The following CEP135 variants were observed in gnomAD, a reference collection of about 807,000 sequenced individuals.
CEP135 encodes the protein centrosomal protein of 135 kDa.
CEP135 carries 142 observed loss-of-function variants against 157.3 expected under a neutral mutation model. That is an observed-to-expected ratio of 0.90 (90% CI 0.79 to 1.04). CEP135 has a LOEUF of 1.04. Ranked by LOEUF, CEP135 falls within the 50% of genes least tolerant of loss-of-function variation. The pLI is 0.00. For synonymous variants in CEP135, 396 were observed against 439.8 expected (o/e 0.90, Z 1.25); for missense variants, 1,317 against 1,309.2 (o/e 1.01, Z -0.09).
rs190972761 is a variant in CEP135 at position 55,982,326 on chromosome 4, A to G, written c.1779+947A>G. Among the ~76,000 whole-genome samples, 14 of 152,268 alleles carry G rather than the reference A, an allele frequency of 9.2e-5. No homozygotes were observed. In the East Asian group the frequency reaches 2.1e-3, roughly 23 times the overall value. ...ATATATATTTTCATTTCTCTTGGGTATATTCCTGGTCATATGGTAAGTCTG... is the reference window on the plus strand; with the variant it reads ...ATATATATTTTCATTTCTCTTGGGTGTATTCCTGGTCATATGGTAAGTCTG... On this transcript the variant is annotated intron_variant, in intron 13 of 25. Transcript: ENST00000257287.
At chr4:56,030,241 T>A (rs1731295983) in intron 25 of CEP135, among the ~76,000 whole-genome samples, 1 of 152,178 alleles carries the variant, frequency 6.6e-6, no homozygotes, top group Non-Finnish European at 1.5e-5. Flanking sequence ...AGGACCTGCC[T>A]GAGGCTGCTT....
chr4:55,978,820 G>A (rs899894462), intron 11 of CEP135, among the ~76,000 whole-genome samples: 4 of 152,176 alleles, frequency 2.6e-5, no homozygotes. Flanking sequence ...AGAGTGCTAG[G>A]ATTACAAACA....
intron 11 of CEP135, among the ~76,000 whole-genome samples, chr4:55,978,936 G>A (rs2109681027): frequency 6.6e-6 from 1 of 152,284 alleles, no homozygotes; most frequent in East Asian, 1.9e-4. Flanking sequence ...ATCTGCTTTT[G>A]TACTATAAAA....
chr4:55,973,988 C>T (rs1027344863), intron 10 of CEP135, among the ~76,000 whole-genome samples: 2 of 152,324 alleles, frequency 1.3e-5, no homozygotes, highest in Admixed American at 1.3e-4. Context: ...CTTCTTGGGA[C>T]AAATTTGCCA....
Position 56,008,386 on chromosome 4 carries a change from A to G in CEP135, c.2336+4A>G. 6.2e-7 allele frequency: 1 copy of G among 1,604,994 alleles called. No homozygotes were observed. The highest frequency in any genetic ancestry group is 8.5e-7 in the Non-Finnish European group (1 of 1,174,862). On this transcript the variant is annotated splice_donor_region_variant and intron_variant, in intron 18 of 25. Transcript: ENST00000257287. ...CAGAGTGTGAATCATCTGTGAAGTA[A>G]GTCATTAATGAAATTACATCCAGCT...
intron 24 of CEP135, among the ~76,000 whole-genome samples, chr4:56,021,508 C>A (rs1177683966): frequency 6.6e-6 from 1 of 152,110 alleles, no homozygotes; most frequent in Admixed American, 6.6e-5. Flanking sequence ...TGCTTTAAAT[C>A]GAAGTCTAAC....
At chr4:55,960,233 C>G (rs1316182111) in intron 6 of CEP135, 2 of 162,526 alleles carry the variant, frequency 1.2e-5, no homozygotes, top group Non-Finnish European at 2.7e-5. Context: ...TTTTTCTACT[C>G]TTATTATATA....
At position 55,991,925 on chromosome 4, in the gene CEP135, A is replaced by T. The variant is rs1162507631; in HGVS notation, c.1858-9A>T. 1.5e-6 allele frequency: 2 copies of T among 1,372,650 alleles called. No homozygotes were observed. The highest frequency in any genetic ancestry group is 2.4e-5 in the Admixed American group (1 of 42,324). The allele number at this position is 1,372,650 out of a possible 1,614,324, so 85.0% of individuals were successfully genotyped here. A position where few individuals can be genotyped will look rare whatever the true frequency, so the allele number is the denominator to read the frequency against. On this transcript the variant is annotated splice_polypyrimidine_tract_variant and intron_variant, in intron 14 of 25. Coordinates refer to ENST00000257287, the MANE Select transcript of CEP135 (RefSeq NM_025009.5). Reference sequence around the variant, plus strand: ...ATATATACCTACTGTTTTTTTATTTAAATTATAGCTTGAAAGCGAAAAATA... The same window carrying T: ...ATATATACCTACTGTTTTTTTATTTTAATTATAGCTTGAAAGCGAAAAATA...
intron 24 of CEP135, among the ~76,000 whole-genome samples, chr4:56,023,748 CATATATAGTATATT>C (rs1459614150): frequency 3.9e-4 from 53 of 137,438 alleles, no homozygotes; most frequent in African/African-American, 8.8e-4. Flanking sequence ...TATAGTATAT[CATATATAGTATATT>C]ATATATAGTA....
At chr4:55,991,732 A>G (rs927138067) in intron 14 of CEP135, among the ~76,000 whole-genome samples, 14 of 151,986 alleles carry the variant, frequency 9.2e-5, no homozygotes, top group African/African-American at 2.7e-4. Flanking sequence ...TTTTGTTTGT[A>G]TCTTTAATGG....
intron 6 of CEP135, among the ~76,000 whole-genome samples, chr4:55,963,418 G>A (rs1728744502): frequency 6.6e-6 from 1 of 152,014 alleles, no homozygotes; most frequent in Non-Finnish European, 1.5e-5. Flanking sequence ...TTGCTTTTTG[G>A]TATGTTTGGA....
At chr4:55,975,000 A>G in intron 11 of CEP135, 31 bp downstream of exon 11, 1 of 1,448,216 alleles carries the variant, frequency 6.9e-7, no homozygotes, top group Non-Finnish European at 9.4e-7. Context: ...TAGGCCAGAA[A>G]GTATCTTTAT....
Position 55,991,986 on chromosome 4 carries a change from C to T in CEP135, c.1910C>T (p.Thr637Ile). 1.3e-6 allele frequency: 2 copies of T among 1,578,384 alleles called. No homozygotes were observed. The highest frequency in any genetic ancestry group is 2.3e-5 in the South Asian group (2 of 87,474). ...TCTAAAGTGTTAATAATGAAAGAAA[C>T]AATAGAGTCGTTAGAGAACAAATTA... is the stretch of plus-strand genomic sequence containing the variant. ...LKSKVLIMKE[T>I]IESLENKLKV... The change falls in exon 15 of 26, where the codon ACA becomes ATA. Residue 637 changes from threonine (T) to isoleucine (I), a missense_variant. By Grantham distance (89) the Thr-to-Ile change is moderately conservative. Transcript: ENST00000257287.
intron 24 of CEP135, among the ~76,000 whole-genome samples, chr4:56,023,221 C>CA (rs566037398): frequency 0.14 from 19,450 of 138,876 alleles, 1,587 homozygotes; most frequent in Admixed American, 0.3. Context: ...GTCCCTGTCA[C>CA]AAAAAAAAAA....
intron 13 of CEP135, among the ~76,000 whole-genome samples, chr4:55,983,523 A>T (rs965997032): frequency 6.6e-6 from 1 of 152,154 alleles, no homozygotes; most frequent in Non-Finnish European, 1.5e-5. Flanking sequence ...TATCAGTGCT[A>T]TCTCTTGAAA....
intron 21 of CEP135, among the ~76,000 whole-genome samples, chr4:56,015,146 GAGATT>G (rs1730729879): frequency 6.6e-6 from 1 of 152,158 alleles, no homozygotes; most frequent in Admixed American, 6.5e-5. Context: ...TCTTGGTGAA[GAGATT>G]AGATATGTGA....
intron 13 of CEP135, among the ~76,000 whole-genome samples, chr4:55,981,605 C>T (rs1225277482): frequency 2.0e-5 from 3 of 152,092 alleles, no homozygotes; most frequent in African/African-American, 7.2e-5. Flanking sequence ...TGTAGTATGA[C>T]CTACAAAACC....
chr4:55,997,937 T>C (rs533033439), intron 15 of CEP135, among the ~76,000 whole-genome samples: 1 of 152,338 alleles, frequency 6.6e-6, no homozygotes, highest in South Asian at 2.1e-4. Context: ...CTTTCTAACT[T>C]GGTTTTGTTT....
At position 56,031,915 on chromosome 4, in the gene CEP135, ATAAC is replaced by A. The variant is rs1299008211; in HGVS notation, c.*570_*573del. The A allele has an allele frequency of 6.6e-6, 1 of 152,206 alleles. No individual in the cohort carries two copies. The highest frequency in any genetic ancestry group is 1.5e-5 in the Non-Finnish European group (1 of 68,044). The allele number at this position is 152,206 out of a possible 1,614,324, so 9.4% of individuals were successfully genotyped here. On this transcript the variant is annotated 3_prime_UTR_variant, in exon 26 of 26. Coordinates refer to ENST00000257287, the MANE Select transcript of CEP135 (RefSeq NM_025009.5). The stretch of plus-strand genomic sequence containing the variant: ...TTATAATAGCAGAGGTCTTGGTAAA[ATAAC>A]TACCATATATAACGTGTTATTGCCA...
Sources: gnomAD v4.1 joint callset for allele counts (sites outside exome capture counted in the v4.1 genomes callset) on GRCh38, gnomAD v4.1.1 for gene constraint, MANE v1.5 for transcripts, NCBI Gene and HGNC (gene_info 2026-07-23, HGNC 2026-07-21) for gene names.